The following PALMD variants were observed in gnomAD, a reference collection of about 807,000 sequenced individuals.
PALMD encodes the protein paralemmin-like protein.
Under a neutral mutation model 56.2 loss-of-function variants are expected in PALMD, and 42 were observed. The observed-to-expected ratio is 0.75, with a 90% CI of 0.58 to 0.97. The LOEUF is 0.97. PALMD is among the 50% of genes least tolerant of loss of function. The probability of loss-of-function intolerance (pLI) is 0.00; values close to 1 mark genes in which losing one functional copy is unlikely to be tolerated. For missense variants in PALMD, 660 were observed against 643.8 expected (o/e 1.03, Z -0.27); for synonymous variants, 242 against 222.9 (o/e 1.09, Z -0.76).
At chr1:99,686,999 A>T (rs759251372) in intron 5 of PALMD, 36 bp downstream of exon 5, 3 of 1,531,538 alleles carry the variant, frequency 2.0e-6, no homozygotes, top group Non-Finnish European at 2.7e-6. Flanking sequence ...TGTTAAACTA[A>T]GTTTTTTTGG....
chr1:99,678,621 G>C (rs1653269794), intron 3 of PALMD, among the ~76,000 whole-genome samples: 1 of 152,052 alleles, frequency 6.6e-6, no homozygotes, highest in South Asian at 2.1e-4. Context: ...GCTGTAAAAA[G>C]TCTTTTTTTC....
rs370330843 is a variant in PALMD, at chr1:99,688,879, A to G, written c.619A>G (p.Ile207Val). Residue 207 changes from isoleucine (I) to valine (V), a missense_variant, in exon 7 of 8, where the codon ATA becomes GTA. Coordinates refer to ENST00000263174, the MANE Select transcript of PALMD (RefSeq NM_017734.5). ...ATCAGATGACTTTAAAGGTACAGGA[A>G]TAAAAGTTTATGATGATGGGCAAAA... ...LPSDDFKGTG[I>V]KVYDDGQKSV... is the part of the protein sequence containing the mutation. 6.2e-7 allele frequency: 1 copy of G among 1,613,514 alleles called. No individual in the cohort carries two copies. Among genetic ancestry groups the G allele is most frequent in the Non-Finnish European group, 8.5e-7 (1 of 1,179,626 alleles).
intron 3 of PALMD, among the ~76,000 whole-genome samples, chr1:99,678,951 G>A (rs1422023750): frequency 2.6e-5 from 4 of 150,980 alleles, no homozygotes; most frequent in Non-Finnish European, 5.9e-5. Context: ...GGCAATACAG[G>A]GATACCTTGA....
At chr1:99,663,754 G>A (rs1346629381) in intron 2 of PALMD, among the ~76,000 whole-genome samples, 1 of 152,156 alleles carries the variant, frequency 6.6e-6, no homozygotes, top group African/African-American at 2.4e-5. Context: ...CAGTAGAAGA[G>A]AAGATTTAAA....
chr1:99,655,735 G>A (rs1044932492), intron 1 of PALMD, among the ~76,000 whole-genome samples: 4 of 152,166 alleles, frequency 2.6e-5, no homozygotes, highest in Non-Finnish European at 5.9e-5. Context: ...CTTCAATGCT[G>A]TATTTCCTCT....
At chr1:99,659,082 G>A (rs1018366472) in intron 1 of PALMD, among the ~76,000 whole-genome samples, 3 of 152,100 alleles carry the variant, frequency 2.0e-5, no homozygotes, top group African/African-American at 2.4e-5. Flanking sequence ...AACAACTCAG[G>A]ATCAATTCTG....
At chr1:99,646,431 C>T (rs1652445877) in intron 1 of PALMD, 69 bp downstream of exon 1, 1 of 1,234,502 alleles carries the variant, frequency 8.1e-7, no homozygotes, top group Non-Finnish European at 1.2e-6. Context: ...GGCCGGCTGC[C>T]CCTGTCGCTG....
At chr1:99,690,120 A>ATTTCATCTTCTATCATGGTATGG in intron 7 of PALMD, 2 of 469,322 alleles carry the variant, frequency 4.3e-6, no homozygotes, top group Non-Finnish European at 7.4e-6. Context: ...AATAACTTGA[A>ATTTCATCTTCTATCATGGTATGG]TTTCATCTTC....
intron 3 of PALMD, chr1:99,669,909 A>G (rs926331382): frequency 2.0e-5 from 3 of 152,222 alleles, no homozygotes; most frequent in Non-Finnish European, 4.4e-5. Context: ...TTTAATCTTC[A>G]TAACCCGGTG....
chr1:99,650,032 C>A (rs1157687251), intron 1 of PALMD, among the ~76,000 whole-genome samples: 2 of 152,008 alleles, frequency 1.3e-5, no homozygotes, highest in African/African-American at 4.8e-5. Flanking sequence ...TAAGGGGAGT[C>A]TGGAATGTGA....
At chr1:99,673,797 A>G (rs930755614) in intron 3 of PALMD, among the ~76,000 whole-genome samples, 9 of 152,180 alleles carry the variant, frequency 5.9e-5, no homozygotes, top group African/African-American at 1.7e-4. Context: ...ACACACACAT[A>G]CAAGCCCCTA....
At position 99,681,133 on chromosome 1, in the gene PALMD, GTGTA is replaced by G. The variant is rs1042568673; in HGVS notation, c.252-5537_252-5534del. Among the ~76,000 whole-genome samples, 54 of 129,140 alleles carry G rather than the reference GTGTA, an allele frequency of 4.2e-4. No homozygotes were observed. In the East Asian group the frequency reaches 5.2e-3, roughly 12 times the overall value. 84.7% of individuals were successfully genotyped at this position (129,140 alleles called of 152,430 possible). A position where few individuals can be genotyped will look rare whatever the true frequency, so the allele number is the denominator to read the frequency against. On this transcript the variant is annotated intron_variant, in intron 3 of 7. Transcript: ENST00000263174. The stretch of plus-strand genomic sequence containing the variant: ...TGTGTGTGTGTGTGTGTGTGTGTGT[GTGTA>G]TGTATATATATATATGTATAGAGCC...
intron 3 of PALMD, among the ~76,000 whole-genome samples, chr1:99,680,248 C>T (rs1213875295): frequency 6.6e-6 from 1 of 152,116 alleles, no homozygotes; most frequent in African/African-American, 2.4e-5. Flanking sequence ...GGATTGGAGA[C>T]ATTATCTCGT....
In PALMD at chr1:99,646,289, T is replaced by C. The variant is rs1557665055; in HGVS notation, c.-29T>C. Reference sequence around the variant, plus strand: ...GATTTATGGTAGCTTTGGACTTGCTTCCCCGTCTGACTGTCCTTGACTTCT... The same window carrying C: ...GATTTATGGTAGCTTTGGACTTGCTCCCCCGTCTGACTGTCCTTGACTTCT... On this transcript the variant is annotated 5_prime_UTR_variant, in exon 1 of 8. Transcript: ENST00000263174. 6.2e-7 allele frequency: 1 copy of C among 1,605,956 alleles called. No individual in the cohort carries two copies. Among genetic ancestry groups the C allele is most frequent in the Admixed American group, 1.7e-5 (1 of 59,994 alleles).
At position 99,687,130 on chromosome 1, in the gene PALMD, CT is replaced by C; in HGVS notation, c.457del (p.Ser153LeufsTer3). 1 of 1,604,656 alleles carries C rather than the reference CT, an allele frequency of 6.2e-7. No individual in the cohort carries two copies. The highest frequency in any genetic ancestry group is 8.5e-7 in the Non-Finnish European group (1 of 1,172,344). On this transcript the variant is annotated frameshift_variant, in exon 6 of 8. Coordinates refer to ENST00000263174, the MANE Select transcript of PALMD (RefSeq NM_017734.5). LOFTEE classifies it high-confidence loss of function. ...NIPDLPKSYI[P>X]SRLRKEINEE... ...CCTGACCTTCCAAAGTCCTACATAC[CT>C]TCTAGGTTAAGGAAGGAGATAAATG... is the stretch of plus-strand genomic sequence containing the variant.
chr1:99,680,145 A>C (rs1653306141), intron 3 of PALMD, among the ~76,000 whole-genome samples: 1 of 152,202 alleles, frequency 6.6e-6, no homozygotes, highest in Non-Finnish European at 1.5e-5. Flanking sequence ...CCTTAGCAGC[A>C]GAAAAATTGC....
At position 99,667,785 on chromosome 1, in the gene PALMD, T is replaced by TA; in HGVS notation, c.251+20dup. 6.2e-7 allele frequency: 1 copy of TA among 1,608,710 alleles called. No individual in the cohort carries two copies. The highest frequency in any genetic ancestry group is 8.5e-7 in the Non-Finnish European group (1 of 1,175,430). On this transcript the variant is annotated intron_variant, in intron 3 of 7. Coordinates refer to ENST00000263174, the MANE Select transcript of PALMD (RefSeq NM_017734.5). Reference sequence around the variant, plus strand: ...TCCTCAGGTATGGCCCTCACTGAGATACTCCACAACTACCTTTATTTTGAC... The same window carrying TA: ...TCCTCAGGTATGGCCCTCACTGAGATAACTCCACAACTACCTTTATTTTGAC...
rs750120797 is a variant in PALMD at position 99,689,394 on chromosome 1, A to G, written c.1134A>G (p.Lys378=). The change falls in exon 7 of 8, where the codon AAA becomes AAG. Residue 378 remains lysine (K), a synonymous_variant. Coordinates refer to ENST00000263174, the MANE Select transcript of PALMD (RefSeq NM_017734.5). ...GCCCCAGAGAGACAATATTTGGGAA[A>G]TCTGAACACCAGAATTCTTCACCCA... ...RLSPRETIFG[K]SEHQNSSPTC... The G allele has an allele frequency of 6.2e-7, 1 of 1,613,836 alleles. No individual in the cohort carries two copies. Among genetic ancestry groups the G allele is most frequent in the Non-Finnish European group, 8.5e-7 (1 of 1,179,892 alleles).
At chr1:99,683,621 A>G (rs6695793) in intron 3 of PALMD, 12,333 of 152,224 alleles carry the variant, frequency 0.081, 1,081 homozygotes, top group African/African-American at 0.22. Flanking sequence ...CCTGGATTAC[A>G]CCATCTTCAT....
Sources: allele counts gnomAD v4.1 joint callset (sites outside exome capture counted in the v4.1 genomes callset), GRCh38; gene constraint gnomAD v4.1.1; transcripts MANE v1.5; gene names NCBI Gene and HGNC (gene_info 2026-07-23, HGNC 2026-07-21).